RASA1: variants seen among roughly 807,000 people sequenced by gnomAD.
RASA1 encodes ras GTPase-activating protein 1.
A neutral mutation model predicts 132.2 loss-of-function variants in RASA1; 25 were observed. The observed-to-expected ratio is 0.19, with a 90% CI of 0.14 to 0.26. The LOEUF (loss-of-function observed/expected upper bound fraction) is 0.26. Ranked by LOEUF, RASA1 falls within the 10% of genes least tolerant of loss-of-function variation. The pLI is 1.00. For missense variants in RASA1, 964 were observed against 1,299.2 expected (o/e 0.74, Z 3.97); for synonymous variants, 477 against 449.9 (o/e 1.06, Z -0.76).
Position 87,268,597 on chromosome 5 carries a change from A to G in RASA1, c.146A>G (p.Tyr49Cys), listed in dbSNP as rs1580178685. 2.5e-6 allele frequency: 4 copies of G among 1,610,938 alleles called. No individual in the cohort carries two copies. The highest frequency in any genetic ancestry group is 1.7e-6 in the Non-Finnish European group (2 of 1,179,202). Residue 49 changes from tyrosine to cysteine, a missense_variant, in exon 1 of 25, where the codon TAT (tyrosine) becomes TGT (cysteine). Tyr to Cys is a radical substitution (Grantham distance 194). This residue lies in a region of RASA1 where 326 missense variants were observed against 275.8 expected (regional missense o/e 1.18). Transcript: ENST00000274376. Reference sequence around the variant, plus strand: ...GCCCTGCCTGTGGCAGCCGCCCCCTATCCTGGGCTGGTGGAGACCGGAGTG... The same window carrying G: ...GCCCTGCCTGTGGCAGCCGCCCCCTGTCCTGGGCTGGTGGAGACCGGAGTG... ...PAALPVAAAP[Y>C]PGLVETGVAG...
intron 1 of RASA1, among the ~76,000 whole-genome samples, chr5:87,303,277 C>T (rs1755460183): frequency 6.6e-6 from 1 of 151,924 alleles, no homozygotes; most frequent in African/African-American, 2.4e-5. Context: ...TTAATCTTTC[C>T]AAGAACTAAT....
intron 1 of RASA1, among the ~76,000 whole-genome samples, chr5:87,316,925 C>T (rs543115758): frequency 4.6e-5 from 7 of 151,976 alleles, no homozygotes; most frequent in South Asian, 4.2e-4. Flanking sequence ...CTCTGTTGCC[C>T]AGGCCAGAGT....
chr5:87,304,758 G>A (rs191761660), intron 1 of RASA1, among the ~76,000 whole-genome samples: 10 of 152,242 alleles, frequency 6.6e-5, no homozygotes, highest in Admixed American at 1.3e-4. Flanking sequence ...ATTAGCCATC[G>A]TGCCGGCCTA....
intron 11 of RASA1, among the ~76,000 whole-genome samples, chr5:87,364,746 A>T (rs1760378311): frequency 2.0e-5 from 3 of 152,132 alleles, no homozygotes; most frequent in Admixed American, 1.3e-4. Context: ...CAAGGTAGCA[A>T]ACAGCACCAG....
At chr5:87,300,704 G>T (rs1232108040) in intron 1 of RASA1, among the ~76,000 whole-genome samples, 1 of 152,018 alleles carries the variant, frequency 6.6e-6, no homozygotes, top group Admixed American at 6.5e-5. Context: ...TTAGAATAAT[G>T]CATACTATTA....
intron 2 of RASA1, among the ~76,000 whole-genome samples, chr5:87,331,850 C>G (rs1280340879): frequency 6.6e-6 from 1 of 152,056 alleles, no homozygotes; most frequent in African/African-American, 2.4e-5. Flanking sequence ...GTTTAAAACT[C>G]AAATTTTGTG....
chr5:87,279,385 G>A (rs1347850410), intron 1 of RASA1, among the ~76,000 whole-genome samples: 2 of 150,666 alleles, frequency 1.3e-5, no homozygotes, highest in African/African-American at 4.9e-5. Flanking sequence ...ATGTGCCACA[G>A]TTTGTTTAAC....
At chr5:87,275,850 G>A (rs375080926) in intron 1 of RASA1, among the ~76,000 whole-genome samples, 1 of 152,176 alleles carries the variant, frequency 6.6e-6, no homozygotes, top group East Asian at 1.9e-4. Flanking sequence ...TTACAGGCAT[G>A]AGCCACTGTG....
chr5:87,298,164 C>CT (rs913200259), intron 1 of RASA1, among the ~76,000 whole-genome samples: 1 of 151,978 alleles, frequency 6.6e-6, no homozygotes, highest in Non-Finnish European at 1.5e-5. Flanking sequence ...AATCCCAGCA[C>CT]TTTGGGAGGC....
Position 87,385,332 on chromosome 5 carries a change from GATA to G in RASA1, c.2791_2793del (p.Ile931del). 1 of 1,611,588 alleles carries G rather than the reference GATA, an allele frequency of 6.2e-7. No homozygotes were observed. The highest frequency in any genetic ancestry group is 2.2e-5 in the East Asian group (1 of 44,818). ...CATCTCCTATTGCTGCAAGAACACT[GATA>G]TTAGTGGCTAAATCTGTGCAGAACT... On this transcript the variant is annotated inframe_deletion, in exon 22 of 25. Coordinates refer to ENST00000274376, the MANE Select transcript of RASA1 (RefSeq NM_002890.3).
Position 87,359,177 on chromosome 5 carries a change from C to T in RASA1, c.1333-3374C>T, listed in dbSNP as rs150640173. Reference sequence around the variant, plus strand: ...TTTATTGAATTAATATATTAAATGGCGTTTTCCTACATTAAGTGACAAAGC... The same window carrying T: ...TTTATTGAATTAATATATTAAATGGTGTTTTCCTACATTAAGTGACAAAGC... On this transcript the variant is annotated intron_variant, in intron 9 of 24. Coordinates refer to ENST00000274376, the MANE Select transcript of RASA1 (RefSeq NM_002890.3). Among the ~76,000 whole-genome samples, 1,225 of 152,152 alleles carry T rather than the reference C, an allele frequency of 8.1e-3. 41 individuals carry two copies. Among genetic ancestry groups the T allele is most frequent in the Admixed American group, 0.06 (915 of 15,272 alleles).
intron 12 of RASA1, 131 bp from the exon 13 acceptor site, chr5:87,371,987 A>ATAG (rs1760981583): frequency 1.5e-6 from 1 of 655,786 alleles, no homozygotes; most frequent in Non-Finnish European, 2.7e-6. Flanking sequence ...GAAGTACAGT[A>ATAG]TAGTCTGAGA....
chr5:87,381,327 A>G (rs2112502969), intron 20 of RASA1, among the ~76,000 whole-genome samples: 1 of 152,310 alleles, frequency 6.6e-6, no homozygotes, highest in Non-Finnish European at 1.5e-5. Flanking sequence ...CTTGAGTCTT[A>G]TTGTAGGCTT....
intron 8 of RASA1, 66 bp from the exon 9 acceptor site, chr5:87,353,084 AAGTTTAC>A: frequency 8.2e-7 from 1 of 1,217,892 alleles, no homozygotes; most frequent in East Asian, 2.4e-5. Flanking sequence ...CTTGGCAAGA[AAGTTTAC>A]ACATATTTTT....
chr5:87,386,333 G>T (rs187384751), intron 22 of RASA1, among the ~76,000 whole-genome samples: 1 of 152,152 alleles, frequency 6.6e-6, no homozygotes, highest in Non-Finnish European at 1.5e-5. Context: ...TTAACTACGT[G>T]TATGGCCTAG....
intron 1 of RASA1, among the ~76,000 whole-genome samples, chr5:87,321,198 T>G (rs1377184335): frequency 6.6e-6 from 1 of 152,196 alleles, no homozygotes; most frequent in Non-Finnish European, 1.5e-5. Context: ...TAGTTTTATG[T>G]CTAGGAAGAT....
At chr5:87,336,289 A>G (rs994166826) in intron 4 of RASA1, among the ~76,000 whole-genome samples, 4 of 152,124 alleles carry the variant, frequency 2.6e-5, no homozygotes, top group Non-Finnish European at 4.4e-5. Context: ...GAATATGGTA[A>G]ATATCAGTAG....
chr5:87,312,066 G>A lies in RASA1; in HGVS notation c.540-19282G>A, dbSNP rs568974647. ...TGTTAATATCTGGAAGATCTGCATA[G>A]CTCAGTGAAGCAGTATTTTTCAGAT... is the stretch of plus-strand genomic sequence containing the variant. On this transcript the variant is annotated intron_variant, in intron 1 of 24. Coordinates refer to ENST00000274376, the MANE Select transcript of RASA1 (RefSeq NM_002890.3). Among the ~76,000 whole-genome samples, 4 of 152,328 alleles carry A rather than the reference G, an allele frequency of 2.6e-5. No homozygotes were observed. In the South Asian group the frequency reaches 6.2e-4, roughly 24 times the overall value.
At chr5:87,323,941 TTGTC>T (rs1342258024) in intron 1 of RASA1, among the ~76,000 whole-genome samples, 1 of 152,180 alleles carries the variant, frequency 6.6e-6, no homozygotes, top group East Asian at 1.9e-4. Context: ...GTTGCTTAAT[TTGTC>T]TGTCTTCTCC....
Sources: gnomAD v4.1 joint callset for allele counts (sites outside exome capture counted in the v4.1 genomes callset) on GRCh38, gnomAD v4.1.1 for gene constraint, gnomAD v4.1.1 regional missense constraint, MANE v1.5 for transcripts, NCBI Gene and HGNC (gene_info 2026-07-23, HGNC 2026-07-21) for gene names.